Variants in SV2C observed in about 807,000 individuals in gnomAD.
SV2C encodes solute carrier family 22 member B3.
In SV2C, 49 loss-of-function variants were observed where a neutral mutation model predicts 79.7. The observed-to-expected ratio is 0.61, with a 90% CI of 0.49 to 0.78. The LOEUF (loss-of-function observed/expected upper bound fraction) is 0.78. SV2C is among the 30% of genes least tolerant of loss of function. The pLI, the probability that SV2C is intolerant of heterozygous loss-of-function variation, is 0.00. For missense variants in SV2C, 833 were observed against 912.9 expected, an observed-to-expected ratio of 0.91 and a Z score of 1.13; for synonymous variants, 334 against 333.2, an observed-to-expected ratio of 1.00 and a Z score of -0.03.
At chr5:76,234,930 C>T (rs1745566632) in intron 4 of SV2C, among the ~76,000 whole-genome samples, 1 of 152,178 alleles carries the variant, frequency 6.6e-6, no homozygotes, top group African/African-American at 2.4e-5. Flanking sequence ...GGCCAGACTT[C>T]ATCAGAATTA....
intron 12 of SV2C, among the ~76,000 whole-genome samples, chr5:76,347,088 A>G (rs1749559286): frequency 1.3e-5 from 2 of 149,512 alleles, no homozygotes; most frequent in Non-Finnish European, 1.5e-5. Context: ...AGAAGTGAAG[A>G]AAGTGGGACG....
At chr5:75,866,274 TA>T in the SV2C span, among the ~76,000 whole-genome samples, 1 of 148,830 alleles carries the variant, frequency 6.7e-6, no homozygotes, top group African/African-American at 2.6e-5. Flanking sequence ...AGGTAGTCAG[TA>T]TTATGTAGTT....
the SV2C span, among the ~76,000 whole-genome samples, chr5:75,872,990 C>T: frequency 1.3e-5 from 2 of 151,928 alleles, no homozygotes; most frequent in Admixed American, 6.5e-5. Flanking sequence ...ACATACATAA[C>T]ATCTCTAGGT....
chr5:76,128,800 C>G (rs1199834109), intron 1 of SV2C, among the ~76,000 whole-genome samples: 1 of 152,068 alleles, frequency 6.6e-6, no homozygotes, highest in Non-Finnish European at 1.5e-5. Context: ...ATAATCGATT[C>G]GAGAAACAAA....
the SV2C span, among the ~76,000 whole-genome samples, chr5:76,012,597 C>G: frequency 2.0e-5 from 3 of 152,252 alleles, no homozygotes; most frequent in South Asian, 2.1e-4. Flanking sequence ...TGTGCAGAAG[C>G]TCTTTAGTTT....
chr5:75,947,742 C>T, the SV2C span, among the ~76,000 whole-genome samples: 38 of 151,954 alleles, frequency 2.5e-4, no homozygotes, highest in Non-Finnish European at 4.9e-4. Flanking sequence ...AATATAACCC[C>T]TTATTAATGT....
intron 3 of SV2C, among the ~76,000 whole-genome samples, chr5:76,199,169 T>C (rs529545411): frequency 6.6e-6 from 1 of 152,330 alleles, no homozygotes; most frequent in South Asian, 2.1e-4. Flanking sequence ...CTTTCTTTAT[T>C]AAAACTTAAG....
chr5:75,967,967 A>G, the SV2C span, among the ~76,000 whole-genome samples: 1 of 152,170 alleles, frequency 6.6e-6, no homozygotes, highest in Non-Finnish European at 1.5e-5. Context: ...CTCCTCTGAG[A>G]CAAAACTTCC....
the SV2C span, among the ~76,000 whole-genome samples, chr5:76,004,344 A>G: frequency 6.6e-6 from 1 of 152,076 alleles, no homozygotes; most frequent in Non-Finnish European, 1.5e-5. Context: ...CTGGCTATGG[A>G]TGTGTTGGAC....
chr5:76,289,874 T>G (rs935000820), intron 6 of SV2C, among the ~76,000 whole-genome samples: 3 of 152,244 alleles, frequency 2.0e-5, no homozygotes, highest in African/African-American at 7.2e-5. Context: ...TAGGTTGTTC[T>G]GAACAGTATT....
the SV2C span, among the ~76,000 whole-genome samples, chr5:75,865,458 G>T: frequency 1.3e-5 from 2 of 152,178 alleles, no homozygotes; most frequent in Non-Finnish European, 2.9e-5. Flanking sequence ...GTGGGAATAG[G>T]GTGGAAAAGG....
intron 2 of SV2C, among the ~76,000 whole-genome samples, chr5:76,190,210 G>A (rs2112318859): frequency 6.6e-6 from 1 of 152,284 alleles, no homozygotes; most frequent in South Asian, 2.1e-4. Context: ...GCATAGTCAG[G>A]ACCATCATAA....
At chr5:76,192,165 T>C (rs991928876) in intron 2 of SV2C, among the ~76,000 whole-genome samples, 1 of 152,218 alleles carries the variant, frequency 6.6e-6, no homozygotes, top group African/African-American at 2.4e-5. Context: ...GTCTGTGTTA[T>C]TGGAAAGCAC....
At chr5:76,146,796 T>TA (rs1561236349) in intron 2 of SV2C, among the ~76,000 whole-genome samples, 1,935 of 66,876 alleles carry the variant, frequency 0.029, 63 homozygotes, top group Non-Finnish European at 0.032. Flanking sequence ...GAGTTTTTTT[T>TA]TAAAAAAAAA....
At chr5:76,049,332 A>AAG in the SV2C span, among the ~76,000 whole-genome samples, 1 of 151,050 alleles carries the variant, frequency 6.6e-6, no homozygotes, top group Admixed American at 6.6e-5. Context: ...GCGAAAAAAA[A>AAG]AAAAAAGAAA....
At chr5:75,871,326 C>A in the SV2C span, among the ~76,000 whole-genome samples, 9,424 of 151,972 alleles carry the variant, frequency 0.062, 347 homozygotes, top group Admixed American at 0.085. Context: ...GAGAACAAGA[C>A]GTATAACCAC....
chr5:76,312,591 G>A (rs898230828), intron 12 of SV2C, among the ~76,000 whole-genome samples: 6 of 152,142 alleles, frequency 3.9e-5, no homozygotes, highest in African/African-American at 1.4e-4. Flanking sequence ...TGGCGCTCGG[G>A]GCCAGGAGCG....
At chr5:76,016,911 A>G in the SV2C span, among the ~76,000 whole-genome samples, 1 of 152,256 alleles carries the variant, frequency 6.6e-6, no homozygotes, top group African/African-American at 2.4e-5. Context: ...AAGGTGGTGC[A>G]TGTCATTAAT....
chr5:76,049,226 A>G, the SV2C span, among the ~76,000 whole-genome samples: 1 of 151,664 alleles, frequency 6.6e-6, no homozygotes, highest in African/African-American at 2.4e-5. Flanking sequence ...AATCCCGGCT[A>G]CATAAGAGGC....
Sources: allele counts gnomAD v4.1 joint callset (sites outside exome capture counted in the v4.1 genomes callset), GRCh38; gene constraint gnomAD v4.1.1; transcripts MANE v1.5; gene names NCBI Gene and HGNC (gene_info 2026-07-23, HGNC 2026-07-21).